Variants in PRDM16 observed in about 807,000 individuals in gnomAD.
PRDM16 encodes the protein PR/SET domain 16.
PRDM16 carries 23 observed loss-of-function variants against 110.6 expected under a neutral mutation model. The observed-to-expected ratio is 0.21, with a 90% CI of 0.15 to 0.29. The LOEUF is 0.29. Ranked by LOEUF, PRDM16 falls within the 10% of genes least tolerant of loss-of-function variation. The pLI is 1.00. For missense variants in PRDM16, 1,615 were observed against 1,794.3 expected, an observed-to-expected ratio of 0.90 and a Z score of 1.81; for synonymous variants, 799 against 781.8, an observed-to-expected ratio of 1.02 and a Z score of -0.37.
chr1:3,281,597 A>T (rs1221662424), intron 3 of PRDM16, among the ~76,000 whole-genome samples: 1 of 152,166 alleles, frequency 6.6e-6, no homozygotes, highest in Non-Finnish European at 1.5e-5. Flanking sequence ...TTCATTGATG[A>T]GTTATGACCA....
Position 3,069,673 on chromosome 1 carries a change from G to A in PRDM16, c.37+377G>A, listed in dbSNP as rs545049849. ...AAGTGAAAGTTAGCGAAAAGTTGAC[G>A]AAAGGGGAGAGCAACTTTTTCCTCC... On this transcript the variant is annotated intron_variant, in intron 1 of 16. Transcript: ENST00000270722. This position sits in a 1 kb window ranked among gnomAD's most constrained non-coding sequence, Gnocchi z 6.1. 1.1e-3 allele frequency among the ~76,000 whole-genome samples: 161 copies of A among 151,914 alleles called. 1 individual carries two copies. The highest frequency in any genetic ancestry group is 2.3e-3 in the South Asian group (11 of 4,824).
At chr1:3,269,790 CTCAGAGGAGGACAGT>C (rs1640391462) in intron 3 of PRDM16, among the ~76,000 whole-genome samples, 2 of 145,288 alleles carry the variant, frequency 1.4e-5, no homozygotes, top group Admixed American at 6.8e-5. Flanking sequence ...GGAGGAAAGT[CTCAGAGGAGGACAGT>C]CCCAGAGAAT....
rs113673702 is a variant in PRDM16 at position 3,362,235 on chromosome 1, C to T, written c.439-22917C>T. ...GTCCTCCTTCTAGCAGACGTGCCAC[C>T]GGCACATGAGTGAGTGCAAATGTCA... is the stretch of plus-strand genomic sequence containing the variant. On this transcript the variant is annotated intron_variant, in intron 3 of 16. Coordinates refer to ENST00000270722, the MANE Select transcript of PRDM16 (RefSeq NM_022114.4). 3.3e-3 allele frequency among the ~76,000 whole-genome samples: 505 copies of T among 152,330 alleles called. 8 individuals carry two copies. Among genetic ancestry groups the T allele is most frequent in the Non-Finnish European group, 3.2e-3 (216 of 68,024 alleles).
intron 2 of PRDM16, among the ~76,000 whole-genome samples, chr1:3,214,005 TG>T (rs1638963717): frequency 6.6e-6 from 1 of 152,122 alleles, no homozygotes; most frequent in African/African-American, 2.4e-5. Flanking sequence ...GTGTGGCCAC[TG>T]GGTCCGCCTC....
intron 8 of PRDM16, among the ~76,000 whole-genome samples, chr1:3,407,447 C>T (rs948293149): frequency 2.0e-5 from 3 of 152,190 alleles, no homozygotes; most frequent in Non-Finnish European, 2.9e-5. Flanking sequence ...TGCCCGGCTC[C>T]GGCACCCCGA....
intron 1 of PRDM16, among the ~76,000 whole-genome samples, chr1:3,105,062 G>T (rs536114587): frequency 6.6e-6 from 1 of 152,086 alleles, no homozygotes; most frequent in African/African-American, 2.4e-5. Flanking sequence ...GGGTGGGGGC[G>T]GGTGGAAGGT....
chr1:3,102,232 C>T (rs1456724555), intron 1 of PRDM16, among the ~76,000 whole-genome samples: 2 of 152,188 alleles, frequency 1.3e-5, no homozygotes, highest in Non-Finnish European at 2.9e-5. Context: ...ACCACCCAGG[C>T]CTCCCCAGCG....
At chr1:3,121,953 A>C (rs1253275709) in intron 1 of PRDM16, among the ~76,000 whole-genome samples, 3 of 152,232 alleles carry the variant, frequency 2.0e-5, no homozygotes, top group African/African-American at 7.2e-5. Context: ...CTCCCCGAAC[A>C]AAGGCCTTTC....
intron 8 of PRDM16, 57 bp downstream of exon 8, chr1:3,405,705 TCGGGC>T: frequency 6.7e-7 from 1 of 1,490,348 alleles, no homozygotes; most frequent in Non-Finnish European, 9.0e-7. Flanking sequence ...GCCGTGGCGG[TCGGGC>T]CGAGGTGGGC....
chr1:3,412,844 C>T (rs373049074), intron 9 of PRDM16, 44 bp downstream of exon 9: 115 of 1,401,462 alleles, frequency 8.2e-5, no homozygotes, highest in Middle Eastern at 1.9e-4. Flanking sequence ...GGGGCGGGGC[C>T]GCGGCGGTGC....
At chr1:3,182,677 G>C (rs949165560) in intron 1 of PRDM16, among the ~76,000 whole-genome samples, 2 of 152,170 alleles carry the variant, frequency 1.3e-5, no homozygotes, top group Non-Finnish European at 2.9e-5. Context: ...CTCGGTCTCT[G>C]TCCCAGCCCG....
At chr1:3,284,290 C>T (rs1408526131) in intron 3 of PRDM16, among the ~76,000 whole-genome samples, 2 of 152,244 alleles carry the variant, frequency 1.3e-5, no homozygotes, top group Non-Finnish European at 2.9e-5. Context: ...ACGTTTTCGG[C>T]CCCTGTCTGG....
At chr1:3,411,352 C>T (rs763392626) in intron 8 of PRDM16, 32 bp from the exon 9 acceptor site, 20 of 1,574,692 alleles carry the variant, frequency 1.3e-5, no homozygotes, top group Admixed American at 5.2e-5. Context: ...TCATTTCATG[C>T]GGGTTTGTCT....
In PRDM16 at chr1:3,201,651, C is replaced by T. The variant is rs867327746; in HGVS notation, c.387+15177C>T. Reference sequence around the variant, plus strand: ...CGGCTCTGACGTTTCTCCAGTGACCCCTGGCAGGTCGGGGACCCCAGCCAC... The same window carrying T: ...CGGCTCTGACGTTTCTCCAGTGACCTCTGGCAGGTCGGGGACCCCAGCCAC... On this transcript the variant is annotated intron_variant, in intron 2 of 16. Coordinates refer to ENST00000270722, the MANE Select transcript of PRDM16 (RefSeq NM_022114.4). This position sits in a 1 kb window ranked among gnomAD's most constrained non-coding sequence, Gnocchi z 4.1. Among the ~76,000 whole-genome samples the T allele has an allele frequency of 4.6e-5, 7 of 152,348 alleles. No homozygotes were observed. In the Middle Eastern group the frequency reaches 0.01, roughly 222 times the overall value.
chr1:3,076,416 A>C (rs1352477390), intron 1 of PRDM16, among the ~76,000 whole-genome samples: 1 of 152,112 alleles, frequency 6.6e-6, no homozygotes, highest in Admixed American at 6.5e-5. Flanking sequence ...ATGTGTTCTG[A>C]GGAAGCTGAG....
chr1:3,100,196 A>AGCTT (rs1174152689), intron 1 of PRDM16, among the ~76,000 whole-genome samples: 2 of 152,062 alleles, frequency 1.3e-5, no homozygotes, highest in African/African-American at 2.4e-5. Context: ...ACCAGAGTAG[A>AGCTT]GCTTGCCCCC....
At chr1:3,298,676 G>A (rs1198018808) in intron 3 of PRDM16, among the ~76,000 whole-genome samples, 1 of 152,058 alleles carries the variant, frequency 6.6e-6, no homozygotes, top group African/African-American at 2.4e-5. Context: ...CCAACATTCT[G>A]GTGGCTGAGG....
Position 3,282,912 on chromosome 1 carries a change from G to T in PRDM16, c.438+38775G>T, listed in dbSNP as rs577964053. Among the ~76,000 whole-genome samples the T allele has an allele frequency of 2.0e-5, 3 of 152,348 alleles. No individual in the cohort carries two copies. In the East Asian group the frequency reaches 5.8e-4, roughly 29 times the overall value. On this transcript the variant is annotated intron_variant, in intron 3 of 16. Coordinates refer to ENST00000270722, the MANE Select transcript of PRDM16 (RefSeq NM_022114.4). ...GGGCTCCCCTGCAGGTGCAGTGAGAGGCGTGGTAGTATTAGGGCGGTTAGA... is the reference window on the plus strand; with the variant it reads ...GGGCTCCCCTGCAGGTGCAGTGAGATGCGTGGTAGTATTAGGGCGGTTAGA...
At chr1:3,392,281 C>T (rs1338824718) in intron 4 of PRDM16, among the ~76,000 whole-genome samples, 4 of 152,188 alleles carry the variant, frequency 2.6e-5, no homozygotes, top group African/African-American at 7.2e-5. Flanking sequence ...GAATGGTGAG[C>T]GATTGAGTTT....
Sources: allele counts gnomAD v4.1 joint callset (sites outside exome capture counted in the v4.1 genomes callset), GRCh38; gene constraint gnomAD v4.1.1; non-coding constraint Gnocchi (gnomAD v3.1); transcripts MANE v1.5; gene names NCBI Gene and HGNC (gene_info 2026-07-23, HGNC 2026-07-21).